SLC30A4: variants seen among roughly 807,000 people sequenced by gnomAD.
SLC30A4 encodes the protein probable proton-coupled zinc antiporter SLC30A4.
Under a neutral mutation model 41.7 loss-of-function variants are expected in SLC30A4, and 20 were observed. That is an observed-to-expected ratio of 0.48 (90% CI 0.34 to 0.70). The LOEUF is 0.70. SLC30A4 is among the 30% of genes least tolerant of loss of function. The pLI is 0.01. For missense variants in SLC30A4, 441 were observed against 529.3 expected (o/e 0.83, Z 1.64); for synonymous variants, 181 against 195.9 (o/e 0.92, Z 0.64).
Position 45,485,116 on chromosome 15 carries a change from C to G in SLC30A4, c.*47G>C. ...AGGTTTGCATTTATTGCTCTCAAGT[C>G]TGTGACTGCAGGATAAATAAGGCAG... On this transcript the variant is annotated 3_prime_UTR_variant, in exon 8 of 8. Transcript: ENST00000261867. 6.7e-7 allele frequency: 1 copy of G among 1,501,198 alleles called. No homozygotes were observed. The highest frequency in any genetic ancestry group is 9.2e-7 in the Non-Finnish European group (1 of 1,089,580). 93.0% of individuals were successfully genotyped at this position (1,501,198 alleles called of 1,614,324 possible). A position where few individuals can be genotyped will look rare whatever the true frequency, so the allele number is the denominator to read the frequency against.
chr15:45,502,327 C>T (rs1892052817), intron 3 of SLC30A4: 1 of 152,182 alleles, frequency 6.6e-6, no homozygotes, highest in Admixed American at 6.5e-5. Flanking sequence ...TCAGGTGATC[C>T]ACTAGCCTCG....
intron 2 of SLC30A4, chr15:45,513,758 C>A (rs1474175445): frequency 6.6e-6 from 1 of 152,158 alleles, no homozygotes; most frequent in Admixed American, 6.5e-5. Flanking sequence ...AGGTTGGCAG[C>A]CACTGGAGGA....
intron 3 of SLC30A4, among the ~76,000 whole-genome samples, chr15:45,510,875 C>T (rs954289435): frequency 3.3e-5 from 5 of 152,140 alleles, no homozygotes; most frequent in South Asian, 2.1e-4. Flanking sequence ...TGAAAGTAAA[C>T]TTTTTTCTGA....
At chr15:45,500,713 G>C (rs1027638489) in intron 3 of SLC30A4, among the ~76,000 whole-genome samples, 3 of 150,224 alleles carry the variant, frequency 2.0e-5, no homozygotes, top group African/African-American at 7.3e-5. Context: ...ACGGAGTTTC[G>C]CTCTTGTTGC....
rs778091518 is a variant in SLC30A4, at chr15:45,490,770, A to G, written c.650T>C (p.Ile217Thr). Residue 217 changes from isoleucine to threonine, a missense_variant, in exon 4 of 8, where the codon ATA becomes ACA. By Grantham distance (89) the Ile-to-Thr change is moderately conservative (BLOSUM62 -1). Coordinates refer to ENST00000261867, the MANE Select transcript of SLC30A4 (RefSeq NM_013309.6). ...IHMNYEINGD[I>T]MLITAAVGVA... ...TCCAACAGCTGCGGTGATGAGCATTATATCTCCATTTATTTCATAGTTCAT... is the reference window on the plus strand; with the variant it reads ...TCCAACAGCTGCGGTGATGAGCATTGTATCTCCATTTATTTCATAGTTCAT... 14 of 1,610,530 alleles carry G rather than the reference A, an allele frequency of 8.7e-6. No individual in the cohort carries two copies. The highest frequency in any genetic ancestry group is 3.3e-5 in the South Asian group (3 of 90,430).
chr15:45,490,530 T>C (rs920725782), intron 4 of SLC30A4, among the ~76,000 whole-genome samples, 198 bp downstream of exon 4: 7 of 152,206 alleles, frequency 4.6e-5, no homozygotes, highest in Admixed American at 4.6e-4. Context: ...AAATTCATGA[T>C]TTTGACTCAA....
intron 5 of SLC30A4, among the ~76,000 whole-genome samples, 184 bp from the exon 6 acceptor site, chr15:45,487,816 C>T (rs1405201209): frequency 6.6e-6 from 1 of 152,054 alleles, no homozygotes; most frequent in Non-Finnish European, 1.5e-5. Context: ...ACGTTACTTG[C>T]CTCATGGGAC....
chr15:45,518,803 G>T (rs1313406572), intron 2 of SLC30A4, among the ~76,000 whole-genome samples: 1 of 152,000 alleles, frequency 6.6e-6, no homozygotes, highest in Non-Finnish European at 1.5e-5. Context: ...GAGCTCAAGC[G>T]ATCCTCAGGC....
chr15:45,499,041 C>T (rs995457134), intron 3 of SLC30A4, among the ~76,000 whole-genome samples: 2 of 151,466 alleles, frequency 1.3e-5, no homozygotes, highest in African/African-American at 2.4e-5. Context: ...TTAGGAAAGA[C>T]ATCTATCCTA....
chr15:45,513,274 T>C (rs77007502), intron 2 of SLC30A4, among the ~76,000 whole-genome samples: 5 of 150,002 alleles, frequency 3.3e-5, no homozygotes. Flanking sequence ...GATGTGATCA[T>C]AACTCACTGC....
rs905416946 is a variant in SLC30A4 at position 45,480,894 on chromosome 15, T to C, written c.*4269A>G. The C allele has an allele frequency of 6.6e-6, 1 of 152,198 alleles. No individual in the cohort carries two copies. The highest frequency in any genetic ancestry group is 2.4e-5 in the African/African-American group (1 of 41,436). 9.4% of individuals were successfully genotyped at this position (152,198 alleles called of 1,614,324 possible). On this transcript the variant is annotated 3_prime_UTR_variant, in exon 8 of 8. Coordinates refer to ENST00000261867, the MANE Select transcript of SLC30A4 (RefSeq NM_013309.6). The stretch of plus-strand genomic sequence containing the variant: ...GTCTCTTTGTCTACCACACTTACTC[T>C]ACGAAGTCCAGTGTGCAGAGAAATC...
intron 3 of SLC30A4, among the ~76,000 whole-genome samples, chr15:45,496,220 CCATA>C (rs992145282): frequency 2.0e-5 from 3 of 152,046 alleles, no homozygotes; most frequent in African/African-American, 7.2e-5. Context: ...TGGTGAAATA[CCATA>C]AATAGGACTA....
intron 2 of SLC30A4, among the ~76,000 whole-genome samples, chr15:45,517,341 C>T (rs1213091858): frequency 7.2e-6 from 1 of 138,486 alleles, no homozygotes; most frequent in Non-Finnish European, 1.5e-5. Context: ...CCCTCCAATC[C>T]ATTCTTTTTT....
chr15:45,495,595 C>T (rs1891894099), intron 3 of SLC30A4, among the ~76,000 whole-genome samples: 1 of 152,162 alleles, frequency 6.6e-6, no homozygotes, highest in African/African-American at 2.4e-5. Context: ...TTAAAAATCG[C>T]CTTTTTGTGA....
In SLC30A4 at chr15:45,484,187, C is replaced by T. The variant is rs1441584063; in HGVS notation, c.*976G>A. The T allele has an allele frequency of 6.6e-6, 1 of 152,494 alleles. No individual in the cohort carries two copies. The highest frequency in any genetic ancestry group is 1.5e-5 in the Non-Finnish European group (1 of 68,032). 9.4% of individuals were successfully genotyped at this position (152,494 alleles called of 1,614,324 possible). ...AGAGTTTACCCTGAAAGGCTAAACA[C>T]ACAGATGACCTGGAGTGGAGGCAGG... On this transcript the variant is annotated 3_prime_UTR_variant, in exon 8 of 8. Coordinates refer to ENST00000261867, the MANE Select transcript of SLC30A4 (RefSeq NM_013309.6).
chr15:45,502,753 G>A (rs1892064923), intron 3 of SLC30A4: 1 of 152,270 alleles, frequency 6.6e-6, no homozygotes, highest in Non-Finnish European at 1.5e-5. Context: ...CCAGCACTTT[G>A]GGAGACTGAG....
intron 2 of SLC30A4, among the ~76,000 whole-genome samples, chr15:45,518,596 T>C (rs1224257580): frequency 6.6e-6 from 1 of 152,074 alleles, no homozygotes; most frequent in Non-Finnish European, 1.5e-5. Flanking sequence ...AGAGTCTCAC[T>C]CTGTCACCTG....
chr15:45,499,081 ATTTTTT>A (rs58257947), intron 3 of SLC30A4, among the ~76,000 whole-genome samples: 1 of 132,902 alleles, frequency 7.5e-6, no homozygotes, highest in African/African-American at 2.8e-5. Context: ...GCCTAGGCTG[ATTTTTT>A]TTTTTTTTTT....
At chr15:45,514,361 CAAA>C (rs10595522) in intron 2 of SLC30A4, among the ~76,000 whole-genome samples, 69 of 119,288 alleles carry the variant, frequency 5.8e-4, no homozygotes, top group African/African-American at 1.9e-3. Flanking sequence ...AACTCTGTCT[CAAA>C]AAAAAAAAAA....
Sources: gnomAD v4.1 joint callset for allele counts (sites outside exome capture counted in the v4.1 genomes callset) on GRCh38, gnomAD v4.1.1 for gene constraint, MANE v1.5 for transcripts, NCBI Gene and HGNC (gene_info 2026-07-23, HGNC 2026-07-21) for gene names.